The following TRIM5 variants were observed in gnomAD, a reference collection of about 807,000 sequenced individuals.
TRIM5 encodes the protein tripartite motif containing 5, also known as tripartite motif-containing protein 5.
Under a neutral mutation model 35.6 loss-of-function variants are expected in TRIM5, and 31 were observed. The ratio of observed to expected loss-of-function variants is 0.87; its 90% CI spans 0.65 to 1.18. The LOEUF (loss-of-function observed/expected upper bound fraction) is 1.18, where lower values mean the gene tolerates loss of function less well. Ranked by LOEUF, TRIM5 falls within the 50% of genes most tolerant of loss-of-function variation. TRIM5 has a pLI of 0.00. For synonymous variants in TRIM5, 243 were observed against 215.6 expected, an observed-to-expected ratio of 1.13 and a Z score of -1.11; for missense variants, 609 against 591.6, an observed-to-expected ratio of 1.03 and a Z score of -0.31.
At chr11:5,630,430 A>G in the TRIM5 span, among the ~76,000 whole-genome samples, 2 of 152,072 alleles carry the variant, frequency 1.3e-5, no homozygotes, top group African/African-American at 4.8e-5. Flanking sequence ...CATTGGAAAG[A>G]GACTGTCACT....
At chr11:5,610,044 G>A in the TRIM5 span, 4 of 1,219,450 alleles carry the variant, frequency 3.3e-6, no homozygotes. Context: ...ATTCAGAAAG[G>A]AGGATTGGAA....
the TRIM5 span, chr11:5,590,734 T>G: frequency 1.3e-5 from 2 of 152,304 alleles, no homozygotes; most frequent in Non-Finnish European, 2.9e-5. Flanking sequence ...CCTTCCACAC[T>G]GTGGAAGCTT....
Position 5,663,300 on chromosome 11 carries a change from A to G in TRIM5, c.*1509T>C. ...TTACAATTAATAAACTGATTCCCAC[A>G]TAATTCAGTTTGTTTGATAAAGACT... On this transcript the variant is annotated 3_prime_UTR_variant, in exon 8 of 8. Coordinates refer to ENST00000380034, the MANE Select transcript of TRIM5 (RefSeq NM_033034.3). 1.1e-6 allele frequency: 1 copy of G among 944,706 alleles called. No individual in the cohort carries two copies. Among genetic ancestry groups the G allele is most frequent in the Non-Finnish European group, 1.3e-6 (1 of 792,846 alleles). The allele number at this position is 944,706 out of a possible 1,614,324, so 58.5% of individuals were successfully genotyped here.
the TRIM5 span, among the ~76,000 whole-genome samples, chr11:5,607,865 G>A: frequency 6.6e-6 from 1 of 152,140 alleles, no homozygotes; most frequent in Non-Finnish European, 1.5e-5. Context: ...AGGGGGCTGA[G>A]CAGAAGTACA....
At chr11:5,605,644 G>C in the TRIM5 span, 2 of 1,480,864 alleles carry the variant, frequency 1.4e-6, no homozygotes. Flanking sequence ...TGGGACATCA[G>C]ACTACCATCG....
the TRIM5 span, chr11:5,625,050 T>C: frequency 6.6e-6 from 1 of 152,348 alleles, no homozygotes; most frequent in African/African-American, 2.4e-5. Flanking sequence ...GAGATTTCTG[T>C]TGCTCTGAAG....
At chr11:5,604,162 TTGTGTGTGTG>T in the TRIM5 span, among the ~76,000 whole-genome samples, 4 of 150,260 alleles carry the variant, frequency 2.7e-5, no homozygotes, top group African/African-American at 7.3e-5. Flanking sequence ...GCCCAGCTAA[TTGTGTGTGTG>T]TGTGCGTGTG....
intron 4 of TRIM5, among the ~76,000 whole-genome samples, chr11:5,673,079 A>G (rs1851691751): frequency 6.6e-6 from 1 of 152,192 alleles, no homozygotes; most frequent in Admixed American, 6.5e-5. Context: ...GTAAAACTAT[A>G]TCAATAATTG....
chr11:5,640,691 C>T, the TRIM5 span, among the ~76,000 whole-genome samples: 1 of 152,092 alleles, frequency 6.6e-6, no homozygotes, highest in Non-Finnish European at 1.5e-5. Context: ...CCCTGCTCTT[C>T]TTTATTTTTG....
intron 4 of TRIM5, among the ~76,000 whole-genome samples, chr11:5,668,564 C>T (rs1217037691): frequency 6.6e-6 from 1 of 152,006 alleles, no homozygotes; most frequent in Non-Finnish European, 1.5e-5. Flanking sequence ...ATTCTCCTGC[C>T]TCAACCTCCC....
At chr11:5,660,718 T>C (rs972460963), downstream of TRIM5, among the ~76,000 whole-genome samples, 6 of 151,990 alleles carry the variant, frequency 3.9e-5, no homozygotes, top group African/African-American at 1.5e-4. Flanking sequence ...ATGGTGGTGT[T>C]GGAGTATGGT....
chr11:5,614,447 C>T, the TRIM5 span, among the ~76,000 whole-genome samples: 8 of 152,296 alleles, frequency 5.3e-5, no homozygotes, highest in Admixed American at 5.2e-4. Context: ...TGAGAATAGC[C>T]ATAGGGCTAA....
At chr11:5,594,355 T>C in the TRIM5 span, among the ~76,000 whole-genome samples, 1 of 152,204 alleles carries the variant, frequency 6.6e-6, no homozygotes, top group Non-Finnish European at 1.5e-5. Context: ...TTGCCCAGGC[T>C]AGAGAGCAGT....
chr11:5,623,430 C>T, the TRIM5 span, among the ~76,000 whole-genome samples: 2 of 151,680 alleles, frequency 1.3e-5, no homozygotes, highest in Admixed American at 6.6e-5. Context: ...TGCAGTGGTG[C>T]GATCTCGGCT....
At chr11:5,658,381 C>T (rs367624993), downstream of TRIM5, among the ~76,000 whole-genome samples, 10 of 152,300 alleles carry the variant, frequency 6.6e-5, 2 homozygotes, top group South Asian at 1.4e-3. Context: ...GAGCTACTAC[C>T]ACTCGATAAA....
At chr11:5,657,442 C>T in the TRIM5 span, among the ~76,000 whole-genome samples, 1 of 145,314 alleles carries the variant, frequency 6.9e-6, no homozygotes, top group Non-Finnish European at 1.5e-5. Context: ...ACATGTATCC[C>T]AGAACTTAAA....
chr11:5,680,224 C>G lies in TRIM5; in HGVS notation c.-47G>C. 1 of 1,526,506 alleles carries G rather than the reference C, an allele frequency of 6.6e-7. No individual in the cohort carries two copies. The highest frequency in any genetic ancestry group is 8.8e-7 in the Non-Finnish European group (1 of 1,134,442). The allele number at this position is 1,526,506 out of a possible 1,614,324, so 94.6% of individuals were successfully genotyped here. Reference sequence around the variant, plus strand: ...GCCTGTCCTGGCTGCTGAGGTTCCTCTTGTTCACAGATCCCTGCATGATTG... The same window carrying G: ...GCCTGTCCTGGCTGCTGAGGTTCCTGTTGTTCACAGATCCCTGCATGATTG... On this transcript the variant is annotated 5_prime_UTR_variant, in exon 2 of 8. Coordinates refer to ENST00000380034, the MANE Select transcript of TRIM5 (RefSeq NM_033034.3).
At chr11:5,674,246 A>G (rs995147331) in intron 4 of TRIM5, among the ~76,000 whole-genome samples, 1 of 152,192 alleles carries the variant, frequency 6.6e-6, no homozygotes, top group Non-Finnish European at 1.5e-5. Context: ...GATGTCAGCA[A>G]AATAGTATCA....
rs528526305 is a variant in TRIM5, at chr11:5,671,019, G to A, written c.745-3308C>T. The stretch of plus-strand genomic sequence containing the variant: ...AGGACTTTGGGAGGCTGAGGCAAGT[G>A]GATTGAGACCAGCCTGGGCAACATG... On this transcript the variant is annotated intron_variant, in intron 4 of 7. Transcript: ENST00000380034. 1.6e-3 allele frequency among the ~76,000 whole-genome samples: 245 copies of A among 152,086 alleles called. 1 individual carries two copies. The highest frequency in any genetic ancestry group is 5.6e-3 in the African/African-American group (233 of 41,494).
Sources: gnomAD v4.1 joint callset for allele counts (sites outside exome capture counted in the v4.1 genomes callset) on GRCh38, gnomAD v4.1.1 for gene constraint, MANE v1.5 for transcripts, NCBI Gene and HGNC (gene_info 2026-07-23, HGNC 2026-07-21) for gene names.